The following TULP3 variants were observed in gnomAD, a reference collection of about 807,000 sequenced individuals.
TULP3 encodes TUB like protein 3, also known as tubby-related protein 3.
In TULP3, 38 loss-of-function variants were observed where a neutral mutation model predicts 50.7. That is an observed-to-expected ratio of 0.75 (90% CI 0.58 to 0.98). The LOEUF (loss-of-function observed/expected upper bound fraction) is 0.98, where lower values mean the gene tolerates loss of function less well. TULP3 is among the 50% of genes least tolerant of loss of function. TULP3 has a pLI of 0.00. For synonymous variants in TULP3, 183 were observed against 196.6 expected (o/e 0.93, Z 0.58); for missense variants, 550 against 568.0 (o/e 0.97, Z 0.32).
At chr12:2,923,887 G>A (rs771642043) in intron 4 of TULP3, among the ~76,000 whole-genome samples, 6 of 151,694 alleles carry the variant, frequency 4.0e-5, no homozygotes, top group African/African-American at 7.3e-5. Flanking sequence ...GGCTGAGGCA[G>A]GAGGATGGCT....
In TULP3 at chr12:2,910,719, TAATA is replaced by T. The variant is rs1238908474; in HGVS notation, c.93+1143_93+1146del. ...GGAACTAATAATGGGACTTCTAGCC[TAATA>T]AATTATTTTAAAGGTGGAATTACTG... On this transcript the variant is annotated intron_variant, in intron 2 of 10. Transcript: ENST00000448120. Among the ~76,000 whole-genome samples the T allele has an allele frequency of 2.0e-5, 3 of 152,206 alleles. No homozygotes were observed. In the South Asian group the frequency reaches 6.2e-4, roughly 31 times the overall value.
chr12:2,916,701 G>A (rs558789314), intron 2 of TULP3, among the ~76,000 whole-genome samples: 15 of 152,248 alleles, frequency 9.9e-5, no homozygotes, highest in African/African-American at 3.6e-4. Context: ...AATTGACATT[G>A]TTACATTCAA....
At chr12:2,923,055 C>T (rs1433765296) in intron 4 of TULP3, among the ~76,000 whole-genome samples, 3 of 151,912 alleles carry the variant, frequency 2.0e-5, no homozygotes, top group African/African-American at 4.8e-5. Context: ...CGGGGTTTCA[C>T]GGTGTTAGCC....
intron 1 of TULP3, among the ~76,000 whole-genome samples, chr12:2,892,926 G>C (rs1207195058): frequency 2.7e-5 from 4 of 147,724 alleles, no homozygotes; most frequent in South Asian, 2.1e-4. Flanking sequence ...GCTAGGATGT[G>C]GTGGGCGATC....
At position 2,930,278 on chromosome 12, in the gene TULP3, A is replaced by C. The variant is rs780960168; in HGVS notation, c.425A>C (p.Glu142Ala). The C allele has an allele frequency of 6.2e-7, 1 of 1,612,892 alleles. No individual in the cohort carries two copies. The highest frequency in any genetic ancestry group is 8.5e-7 in the Non-Finnish European group (1 of 1,179,378). ...DISESVNFDE[E>A]TDGISQSACL... Reference sequence around the variant, plus strand: ...TCTGAAAGTGTGAACTTCGATGAGGAGACTGATGGAATATCCCAGTCAGCA... The same window carrying C: ...TCTGAAAGTGTGAACTTCGATGAGGCGACTGATGGAATATCCCAGTCAGCA... Residue 142 changes from glutamate (E) to alanine (A), a missense_variant, in exon 5 of 11, where the codon GAG (glutamate) becomes GCG (alanine). Glu to Ala is a moderately radical substitution (Grantham distance 107). Transcript: ENST00000448120.
At chr12:2,936,628 T>C (rs2098201437) in intron 8 of TULP3, among the ~76,000 whole-genome samples, 1 of 151,150 alleles carries the variant, frequency 6.6e-6, no homozygotes, top group South Asian at 2.1e-4. Flanking sequence ...GGCGCATGCC[T>C]ATAATCCCAG....
intron 3 of TULP3, among the ~76,000 whole-genome samples, chr12:2,921,824 C>T (rs1191749318): frequency 6.6e-6 from 1 of 152,132 alleles, no homozygotes; most frequent in East Asian, 1.9e-4. Flanking sequence ...TGGCTTATAC[C>T]TGTGATCCCA....
chr12:2,936,036 G>C (rs1338249174), intron 8 of TULP3, among the ~76,000 whole-genome samples: 1 of 151,794 alleles, frequency 6.6e-6, no homozygotes, highest in Non-Finnish European at 1.5e-5. Flanking sequence ...GGAGGCCGAG[G>C]CCGGTGGATC....
At chr12:2,925,222 G>T (rs1354927643) in intron 4 of TULP3, among the ~76,000 whole-genome samples, 1 of 152,122 alleles carries the variant, frequency 6.6e-6, no homozygotes, top group Non-Finnish European at 1.5e-5. Flanking sequence ...GCTGAACAAT[G>T]ATATGATCAC....
intron 4 of TULP3, among the ~76,000 whole-genome samples, chr12:2,926,763 G>A (rs1343934879): frequency 9.1e-6 from 1 of 109,498 alleles, no homozygotes; most frequent in Non-Finnish European, 1.8e-5. Flanking sequence ...AAGTAGCCAG[G>A]TGTGGTGGTG....
Position 2,927,366 on chromosome 12 carries a change from ATT to A in TULP3, c.395-2865_395-2864del, listed in dbSNP as rs71057864. ...GGACCTATGTTTTCAGTTGAGACTG[ATT>A]TTTTTTTTTTTTTTTTGAGACCAAG... On this transcript the variant is annotated intron_variant, in intron 4 of 10. Transcript: ENST00000448120. Among the ~76,000 whole-genome samples, 95 of 105,136 alleles carry A rather than the reference ATT, an allele frequency of 9.0e-4. 4 individuals carry two copies. Among genetic ancestry groups the A allele is most frequent in the African/African-American group, 3.2e-3 (82 of 25,752 alleles). 69.0% of individuals were successfully genotyped at this position (105,136 alleles called of 152,430 possible). A position where few individuals can be genotyped will look rare whatever the true frequency, so the allele number is the denominator to read the frequency against.
intron 9 of TULP3, 99 bp from the exon 10 acceptor site, chr12:2,938,015 T>C (rs1396060524): frequency 4.4e-6 from 6 of 1,363,610 alleles, no homozygotes; most frequent in Non-Finnish European, 6.1e-6. Context: ...TCGCTTCTGG[T>C]TTACCCTTTC....
At chr12:2,893,518 T>A (rs7485629) in intron 1 of TULP3, among the ~76,000 whole-genome samples, 24,912 of 151,782 alleles carry the variant, frequency 0.16, 2,391 homozygotes, top group South Asian at 0.26. Flanking sequence ...AGGGGGTTTC[T>A]CCATGTTGGT....
At chr12:2,931,635 G>A (rs969082563) in intron 6 of TULP3, among the ~76,000 whole-genome samples, 7 of 152,118 alleles carry the variant, frequency 4.6e-5, no homozygotes, top group Non-Finnish European at 8.8e-5. Context: ...AAATACAGAA[G>A]GACCTACAAG....
intron 2 of TULP3, among the ~76,000 whole-genome samples, chr12:2,916,133 C>G (rs2098188566): frequency 6.6e-6 from 1 of 152,172 alleles, no homozygotes; most frequent in African/African-American, 2.4e-5. Context: ...CCTCAGCCTC[C>G]CAAGTAGCTG....
At chr12:2,919,637 G>T (rs903129395) in intron 2 of TULP3, among the ~76,000 whole-genome samples, 2 of 152,008 alleles carry the variant, frequency 1.3e-5, no homozygotes, top group African/African-American at 4.8e-5. Context: ...TTAGCATGGG[G>T]CTTAACATTT....
chr12:2,936,571 G>A (rs1348888682), intron 8 of TULP3, among the ~76,000 whole-genome samples: 1 of 147,492 alleles, frequency 6.8e-6, no homozygotes, highest in Non-Finnish European at 1.5e-5. Flanking sequence ...GAGAAACCCC[G>A]TCTCGACTAA....
At chr12:2,932,943 A>ATTT (rs202247754) in intron 6 of TULP3, among the ~76,000 whole-genome samples, 3 of 149,496 alleles carry the variant, frequency 2.0e-5, no homozygotes, top group Non-Finnish European at 1.5e-5. Flanking sequence ...TTTTATTTTT[A>ATTT]TTTTTTATTT....
At chr12:2,894,975 G>A (rs1264286027) in intron 1 of TULP3, among the ~76,000 whole-genome samples, 1 of 152,178 alleles carries the variant, frequency 6.6e-6, no homozygotes, top group Non-Finnish European at 1.5e-5. Flanking sequence ...TAACCCCTGA[G>A]AAGGGAGAAT....
Sources: gnomAD v4.1 joint callset for allele counts (sites outside exome capture counted in the v4.1 genomes callset) on GRCh38, gnomAD v4.1.1 for gene constraint, MANE v1.5 for transcripts, NCBI Gene and HGNC (gene_info 2026-07-23, HGNC 2026-07-21) for gene names.